The following MAPK9 variants were observed in gnomAD, a reference collection of about 807,000 sequenced individuals.
MAPK9 encodes the protein mitogen-activated protein kinase 9, also known as Jun kinase.
In MAPK9, 30 loss-of-function variants were observed where a neutral mutation model predicts 57.1. That is an observed-to-expected ratio of 0.53 (90% CI 0.39 to 0.71). The LOEUF is 0.71. MAPK9 is among the 30% of genes least tolerant of loss of function. The pLI, the probability that MAPK9 is intolerant of heterozygous loss-of-function variation, is 0.00. For missense variants in MAPK9, 362 were observed against 521.0 expected (o/e 0.69, Z 2.97); for synonymous variants, 155 against 177.0 (o/e 0.88, Z 0.99).
chr5:180,280,250 C>A (rs913031846), intron 2 of MAPK9, among the ~76,000 whole-genome samples, 190 bp downstream of exon 2: 2 of 152,070 alleles, frequency 1.3e-5, no homozygotes, highest in African/African-American at 4.8e-5. Context: ...CTGCAGCATT[C>A]TAAGAATATG....
At position 180,247,323 on chromosome 5, in the gene MAPK9, C is replaced by G. The variant is rs944152208; in HGVS notation, c.688+116G>C. 3.5e-6 allele frequency: 4 copies of G among 1,131,104 alleles called. No individual in the cohort carries two copies. In the Admixed American group the frequency reaches 7.7e-5, roughly 22 times the overall value. The allele number at this position is 1,131,104 out of a possible 1,614,324, so 70.1% of individuals were successfully genotyped here. A position where few individuals can be genotyped will look rare whatever the true frequency, so the allele number is the denominator to read the frequency against. On this transcript the variant is annotated intron_variant, in intron 7 of 11. Coordinates refer to ENST00000452135, the MANE Select transcript of MAPK9 (RefSeq NM_002752.5). This position sits in a 1 kb window ranked among gnomAD's most constrained non-coding sequence, Gnocchi z 4.5. ...AAATACAGTAAAGCCCCCCTTAGAA[C>G]ACAGTCTGGAGTGGATTTTACGACT... is the stretch of plus-strand genomic sequence containing the variant.
chr5:180,254,831 G>A (rs575961981), intron 5 of MAPK9, among the ~76,000 whole-genome samples: 4 of 152,232 alleles, frequency 2.6e-5, no homozygotes, highest in South Asian at 2.1e-4. Context: ...TCAGGAGATC[G>A]AGACCATCCT....
chr5:180,254,726 C>T (rs533657308), intron 5 of MAPK9, among the ~76,000 whole-genome samples: 1 of 152,096 alleles, frequency 6.6e-6, no homozygotes, highest in Non-Finnish European at 1.5e-5. Context: ...AAACCCAAAA[C>T]CACAGCACTT....
At chr5:180,258,167 T>C (rs1759491711) in intron 5 of MAPK9, 1 of 152,224 alleles carries the variant, frequency 6.6e-6, no homozygotes, top group South Asian at 2.1e-4. Flanking sequence ...GGTAAAGCCT[T>C]GAGATTTTGC....
intron 3 of MAPK9, among the ~76,000 whole-genome samples, chr5:180,268,090 C>T (rs545898447): frequency 6.6e-5 from 10 of 152,120 alleles, no homozygotes; most frequent in Non-Finnish European, 1.3e-4. Context: ...TCCTAAAGTG[C>T]TGGGATTACA....
At chr5:180,280,741 G>T in intron 1 of MAPK9, 133 bp from the exon 2 acceptor site, 1 of 654,064 alleles carries the variant, frequency 1.5e-6, no homozygotes, top group Non-Finnish European at 2.3e-6. Flanking sequence ...ACCAAGTTCT[G>T]AACTTAAGCA....
chr5:180,256,756 C>T (rs557473277), intron 5 of MAPK9, among the ~76,000 whole-genome samples: 29 of 152,310 alleles, frequency 1.9e-4, no homozygotes, highest in African/African-American at 5.3e-4. Context: ...GGCCTGCCGA[C>T]GCTGCAGCTC....
Position 180,236,786 on chromosome 5 carries a change from G to C in MAPK9, c.1133-260C>G, listed in dbSNP as rs1033768308. On this transcript the variant is annotated intron_variant, in intron 11 of 11. Transcript: ENST00000452135. Reference sequence around the variant, plus strand: ...AGTAGCTAAACATATATGTGGCCATGTATAATCATGTTAGCTACTTAAAAA... The same window carrying C: ...AGTAGCTAAACATATATGTGGCCATCTATAATCATGTTAGCTACTTAAAAA... 2.3e-5 allele frequency: 7 copies of C among 301,026 alleles called. 1 individual carries two copies. Among genetic ancestry groups the C allele is most frequent in the African/African-American group, 1.1e-4 (5 of 46,514 alleles). 18.6% of individuals were successfully genotyped at this position (301,026 alleles called of 1,614,324 possible).
chr5:180,248,436 C>A (rs1417722217), intron 6 of MAPK9, among the ~76,000 whole-genome samples: 1 of 152,202 alleles, frequency 6.6e-6, no homozygotes, highest in East Asian at 1.9e-4. Flanking sequence ...TTATTTTCAA[C>A]AAATTTGCTA....
At position 180,237,618 on chromosome 5, in the gene MAPK9, G is replaced by A. The variant is rs1416588802; in HGVS notation, c.1132+714C>T. On this transcript the variant is annotated intron_variant, in intron 11 of 11. Coordinates refer to ENST00000452135, the MANE Select transcript of MAPK9 (RefSeq NM_002752.5). ...TACAAAGGGTTATCAACATTGAAAA[G>A]GCTTTAAATTCAATTTCTTCATCTG... 2.6e-5 allele frequency: 4 copies of A among 152,326 alleles called. No individual in the cohort carries two copies. In the East Asian group the frequency reaches 7.7e-4, roughly 29 times the overall value. 9.4% of individuals were successfully genotyped at this position (152,326 alleles called of 1,614,324 possible). A position where few individuals can be genotyped will look rare whatever the true frequency, so the allele number is the denominator to read the frequency against.
At chr5:180,289,558 A>G (rs1223528372) in intron 1 of MAPK9, among the ~76,000 whole-genome samples, 1 of 152,134 alleles carries the variant, frequency 6.6e-6, no homozygotes, top group Non-Finnish European at 1.5e-5. Flanking sequence ...TTCGAACTCC[A>G]CTCACCAGCT....
intron 9 of MAPK9, 115 bp downstream of exon 9, chr5:180,240,916 A>T (rs534320271): frequency 7.1e-6 from 9 of 1,271,020 alleles, no homozygotes; most frequent in Non-Finnish European, 9.3e-6. Context: ...TGTAACTGGG[A>T]GCCCCCAAAT....
chr5:180,268,027 T>C (rs951979649), intron 3 of MAPK9, among the ~76,000 whole-genome samples: 4 of 152,086 alleles, frequency 2.6e-5, no homozygotes, highest in African/African-American at 7.2e-5. Context: ...GGTTTCACCA[T>C]GTTAGCCAGG....
Position 180,247,540 on chromosome 5 carries a change from G to T in MAPK9, c.617-30C>A. The T allele has an allele frequency of 6.3e-7, 1 of 1,581,242 alleles. No individual in the cohort carries two copies. Among genetic ancestry groups the T allele is most frequent in the Non-Finnish European group, 8.7e-7 (1 of 1,151,768 alleles). On this transcript the variant is annotated intron_variant, in intron 6 of 11. Transcript: ENST00000452135. The surrounding 1 kb of genome is among the most constrained non-coding windows in gnomAD (Gnocchi z 4.5). ...AAATAAAATGAAATGATAAAATTAT[G>T]AAGTGCCATGAACAAAACAAAAGTG...
chr5:180,261,587 A>G, intron 5 of MAPK9, 97 bp downstream of exon 5: 1 of 1,175,532 alleles, frequency 8.5e-7, no homozygotes, highest in South Asian at 1.7e-5. Flanking sequence ...TTGGATTTTC[A>G]AGCCTAACAA....
intron 7 of MAPK9, among the ~76,000 whole-genome samples, chr5:180,243,381 C>A (rs1757809631): frequency 6.6e-6 from 1 of 152,242 alleles, no homozygotes; most frequent in African/African-American, 2.4e-5. Context: ...GCATTAAACA[C>A]TCAGTGTGTC....
chr5:180,267,843 C>T (rs879853788), intron 3 of MAPK9, among the ~76,000 whole-genome samples: 16 of 151,804 alleles, frequency 1.1e-4, no homozygotes, highest in Non-Finnish European at 2.1e-4. Flanking sequence ...CCAGATTTCA[C>T]GTTTTATATT....
At chr5:180,267,384 AC>A (rs1256420839) in intron 3 of MAPK9, among the ~76,000 whole-genome samples, 8 of 151,578 alleles carry the variant, frequency 5.3e-5, no homozygotes, top group Non-Finnish European at 1.0e-4. Flanking sequence ...ACATGGTGAA[AC>A]CCCTGTCTCT....
chr5:180,283,929 AAAAC>A (rs1262577296), intron 1 of MAPK9, among the ~76,000 whole-genome samples: 2 of 152,206 alleles, frequency 1.3e-5, no homozygotes, highest in Non-Finnish European at 2.9e-5. Flanking sequence ...CTCCATCTCA[AAAAC>A]AAACAAACAA....
Sources: gnomAD v4.1 joint callset for allele counts (sites outside exome capture counted in the v4.1 genomes callset) on GRCh38, gnomAD v4.1.1 for gene constraint, Gnocchi (gnomAD v3.1) non-coding constraint, MANE v1.5 for transcripts, NCBI Gene and HGNC (gene_info 2026-07-23, HGNC 2026-07-21) for gene names.